The following TGFBR3 variants were observed in gnomAD, a reference collection of about 807,000 sequenced individuals.
TGFBR3 encodes transforming growth factor beta receptor 3, also known as transforming growth factor beta receptor type 3.
Under a neutral mutation model 87.9 loss-of-function variants are expected in TGFBR3, and 46 were observed. The ratio of observed to expected loss-of-function variants is 0.52; its 90% CI spans 0.41 to 0.67. The LOEUF is 0.67. Ranked by LOEUF, TGFBR3 falls within the 30% of genes least tolerant of loss-of-function variation. The pLI is 0.00. For synonymous variants in TGFBR3, 381 were observed against 391.6 expected (o/e 0.97, Z 0.32); for missense variants, 866 against 1,041.9 (o/e 0.83, Z 2.32).
chr1:91,725,464 C>G (rs1163651796), intron 7 of TGFBR3, among the ~76,000 whole-genome samples: 1 of 152,078 alleles, frequency 6.6e-6, no homozygotes, highest in Non-Finnish European at 1.5e-5. Flanking sequence ...ATTTCTCTTC[C>G]AAAATATAAG....
intron 12 of TGFBR3, among the ~76,000 whole-genome samples, chr1:91,715,312 T>C (rs1257187033): frequency 6.6e-6 from 1 of 152,252 alleles, no homozygotes; most frequent in Non-Finnish European, 1.5e-5. Flanking sequence ...CCCTTTCAAA[T>C]GGCACTTTGG....
At chr1:91,729,760 T>A (rs764773184) in intron 6 of TGFBR3, 45 bp downstream of exon 6, 1 of 1,611,544 alleles carries the variant, frequency 6.2e-7, no homozygotes. Flanking sequence ...AAGGAAGATC[T>A]TTACTTTCAT....
intron 9 of TGFBR3, 85 bp downstream of exon 9, chr1:91,719,808 A>C: frequency 6.8e-7 from 1 of 1,470,834 alleles, no homozygotes; most frequent in East Asian, 2.3e-5. Flanking sequence ...AAAATGAAAG[A>C]GATAGGGAGA....
intron 2 of TGFBR3, among the ~76,000 whole-genome samples, chr1:91,898,702 G>C (rs777528054): frequency 1.3e-5 from 2 of 152,146 alleles, no homozygotes; most frequent in Non-Finnish European, 2.9e-5. Context: ...CTCCCAAAGT[G>C]CTGGGATTAC....
chr1:91,736,270 A>G (rs1413588055), intron 4 of TGFBR3, among the ~76,000 whole-genome samples: 3 of 147,276 alleles, frequency 2.0e-5, no homozygotes, highest in African/African-American at 7.5e-5. Flanking sequence ...GGTTTTGTTT[A>G]TAACTGGCAT....
chr1:91,799,352 C>A (rs1016037892), intron 2 of TGFBR3, among the ~76,000 whole-genome samples: 2 of 152,200 alleles, frequency 1.3e-5, no homozygotes, highest in Admixed American at 1.3e-4. Context: ...GAAGATGTCC[C>A]GAGAGCAACA....
At chr1:91,905,374 CA>C (rs1315367051) in intron 1 of TGFBR3, among the ~76,000 whole-genome samples, 2 of 152,136 alleles carry the variant, frequency 1.3e-5, no homozygotes, top group African/African-American at 4.8e-5. Context: ...ACCAGTTATC[CA>C]AAAGAGATTG....
intron 2 of TGFBR3, among the ~76,000 whole-genome samples, chr1:91,845,912 G>A (rs1354036853): frequency 6.6e-6 from 1 of 152,160 alleles, no homozygotes; most frequent in Non-Finnish European, 1.5e-5. Flanking sequence ...ACAAACTAGA[G>A]TTCCTTTTCC....
chr1:91,704,459 G>A (rs893854217), intron 14 of TGFBR3, among the ~76,000 whole-genome samples: 3 of 152,146 alleles, frequency 2.0e-5, no homozygotes, highest in Non-Finnish European at 4.4e-5. Context: ...CTGGAATAAG[G>A]CATAGGGTTT....
In TGFBR3 at chr1:91,797,464, C is replaced by T; in HGVS notation, c.69G>A (p.Glu23=). The change falls in exon 3 of 17, where the codon GAG becomes GAA. Residue 23 remains glutamate, a synonymous_variant. Coordinates refer to ENST00000212355, the MANE Select transcript of TGFBR3 (RefSeq NM_003243.5). ...MSSCLATAGP[E]PGALCELSPV... is the part of the protein sequence containing the mutation. ...GTGACAGTTCACACAGTGCACCAGG[C>T]TCTGGACCTGCCAAGGGAATCACAA... 1 of 1,614,226 alleles carries T rather than the reference C, an allele frequency of 6.2e-7. No homozygotes were observed. Among genetic ancestry groups the T allele is most frequent in the Non-Finnish European group, 8.5e-7 (1 of 1,180,038 alleles).
At chr1:91,769,860 T>G (rs1043984640) in intron 3 of TGFBR3, among the ~76,000 whole-genome samples, 1 of 152,146 alleles carries the variant, frequency 6.6e-6, no homozygotes, top group African/African-American at 2.4e-5. Context: ...GCAACCAGAC[T>G]ACAAAAACAG....
intron 2 of TGFBR3, among the ~76,000 whole-genome samples, chr1:91,849,974 C>T (rs897389226): frequency 3.4e-5 from 5 of 146,462 alleles, no homozygotes; most frequent in African/African-American, 1.0e-4. Context: ...CCCAGCTACT[C>T]GGGAGGCTGA....
chr1:91,774,979 G>T (rs1385822366), intron 3 of TGFBR3, among the ~76,000 whole-genome samples: 2 of 152,180 alleles, frequency 1.3e-5, no homozygotes, highest in African/African-American at 4.8e-5. Flanking sequence ...TGAGAAAGGA[G>T]ATTTTACAGA....
At chr1:91,839,004 G>GTCTCGCC (rs1407343770) in intron 2 of TGFBR3, among the ~76,000 whole-genome samples, 1 of 152,054 alleles carries the variant, frequency 6.6e-6, no homozygotes, top group East Asian at 1.9e-4. Flanking sequence ...TTGAGACAGG[G>GTCTCGCC]TCTCACTCTG....
chr1:91,715,757 A>T (rs1020873954), intron 12 of TGFBR3, among the ~76,000 whole-genome samples: 3 of 152,210 alleles, frequency 2.0e-5, no homozygotes, highest in Non-Finnish European at 2.9e-5. Flanking sequence ...TTCACTTAAA[A>T]GTGAGTGCAA....
intron 2 of TGFBR3, among the ~76,000 whole-genome samples, chr1:91,808,323 C>A (rs1483293268): frequency 6.6e-6 from 1 of 152,156 alleles, no homozygotes; most frequent in Non-Finnish European, 1.5e-5. Flanking sequence ...AATTCCTGTT[C>A]TCTGAGCACA....
In TGFBR3 at chr1:91,861,642, T is replaced by C; in HGVS notation, c.-111A>G. On this transcript the variant is annotated splice_region_variant and 5_prime_UTR_variant, in exon 2 of 17. Transcript: ENST00000212355. ...AAGTCCCTCCTTGCAATTTTCAAAC[T>C]GCCTGTAAAACAAATTTCAATAAGA... 1 of 815,984 alleles carries C rather than the reference T, an allele frequency of 1.2e-6. No individual in the cohort carries two copies. The highest frequency in any genetic ancestry group is 1.4e-5 in the South Asian group (1 of 71,170). The allele number at this position is 815,984 out of a possible 1,614,324, so 50.5% of individuals were successfully genotyped here.
At chr1:91,796,858 A>G (rs1675401749) in intron 3 of TGFBR3, among the ~76,000 whole-genome samples, 1 of 150,958 alleles carries the variant, frequency 6.6e-6, no homozygotes. Context: ...CTGGGACTAC[A>G]TGTGCTAACT....
chr1:91,860,761 G>A (rs1678149838), intron 2 of TGFBR3, among the ~76,000 whole-genome samples: 1 of 151,684 alleles, frequency 6.6e-6, no homozygotes, highest in African/African-American at 2.4e-5. Flanking sequence ...GTGAAACCCT[G>A]TCTCTATTAA....
Sources: allele counts gnomAD v4.1 joint callset (sites outside exome capture counted in the v4.1 genomes callset), GRCh38; gene constraint gnomAD v4.1.1; transcripts MANE v1.5; gene names NCBI Gene and HGNC (gene_info 2026-07-23, HGNC 2026-07-21).